ITPRID1: variants seen among roughly 807,000 people sequenced by gnomAD.
ITPRID1 encodes the protein protein ITPRID1.
A neutral mutation model predicts 95.4 loss-of-function variants in ITPRID1; 96 were observed. That is an observed-to-expected ratio of 1.01 (90% CI 0.85 to 1.19). ITPRID1 has a LOEUF of 1.19. ITPRID1 is among the 50% of genes most tolerant of loss of function. The pLI is 0.00. For missense variants in ITPRID1, 1,339 were observed against 1,252.9 expected, an observed-to-expected ratio of 1.07 and a Z score of -1.04; for synonymous variants, 510 against 453.6, an observed-to-expected ratio of 1.12 and a Z score of -1.58.
At chr7:31,523,065 G>T (rs1199394590) in intron 1 of ITPRID1, among the ~76,000 whole-genome samples, 1 of 152,208 alleles carries the variant, frequency 6.6e-6, no homozygotes, top group Non-Finnish European at 1.5e-5. Flanking sequence ...AGTTTTAAAT[G>T]AGATGATGTT....
intron 4 of ITPRID1, 53 bp downstream of exon 4, chr7:31,554,576 G>T: frequency 6.2e-7 from 1 of 1,604,678 alleles, no homozygotes; most frequent in South Asian, 1.1e-5. Context: ...AAAGATCCAT[G>T]AAAACAATGT....
intron 9 of ITPRID1, among the ~76,000 whole-genome samples, chr7:31,582,473 C>G (rs1020602700): frequency 6.6e-6 from 1 of 152,064 alleles, no homozygotes; most frequent in Non-Finnish European, 1.5e-5. Context: ...CTGATTTTAA[C>G]CACCTGGCTT....
In ITPRID1 at chr7:31,656,060, T is replaced by G. The variant is rs1451869107; in HGVS notation, c.*3231T>G. 1 of 962,484 alleles carries G rather than the reference T, an allele frequency of 1.0e-6. No individual in the cohort carries two copies. Among genetic ancestry groups the G allele is most frequent in the Non-Finnish European group, 1.2e-6 (1 of 809,210 alleles). The allele number at this position is 962,484 out of a possible 1,614,324, so 59.6% of individuals were successfully genotyped here. On this transcript the variant is annotated 3_prime_UTR_variant, in exon 15 of 15. Coordinates refer to ENST00000615280, the MANE Select transcript of ITPRID1 (RefSeq NM_001257967.3). ...AGTAAGTCCTAGGGCAGACCCCATC[T>G]CCTACACAGGCTTTCCTTGATGATC...
In ITPRID1 at chr7:31,551,786, T is replaced by C. The variant is rs1263354443; in HGVS notation, c.-23-1216T>C. On this transcript the variant is annotated intron_variant, in intron 2 of 14. Coordinates refer to ENST00000615280, the MANE Select transcript of ITPRID1 (RefSeq NM_001257967.3). ...GCAAACAGATTAGAAATGATTTACA[T>C]GTCATGTGATCAGTGATTATGCATT... The C allele has an allele frequency of 1.0e-5, 3 of 292,080 alleles. 1 individual carries two copies. Among genetic ancestry groups the C allele is most frequent in the Non-Finnish European group, 2.1e-5 (3 of 143,468 alleles). The allele number at this position is 292,080 out of a possible 1,614,324, so 18.1% of individuals were successfully genotyped here.
At chr7:31,642,638 T>C in intron 11 of ITPRID1, 44 bp from the exon 12 acceptor site, 10 of 1,560,406 alleles carry the variant, frequency 6.4e-6, no homozygotes, top group Non-Finnish European at 8.7e-6. Context: ...TATTGCCTCC[T>C]CCACTTCCTG....
chr7:31,631,297 CACAG>C (rs888894136), intron 10 of ITPRID1, among the ~76,000 whole-genome samples: 18 of 152,202 alleles, frequency 1.2e-4, no homozygotes, highest in African/African-American at 4.3e-4. Context: ...TGCGTGCACA[CACAG>C]ACACACAAAT....
chr7:31,578,578 A>G (rs1785283573), intron 9 of ITPRID1, 144 bp downstream of exon 9: 1 of 601,002 alleles, frequency 1.7e-6, no homozygotes, highest in Admixed American at 3.3e-5. Flanking sequence ...AGTGATTTAA[A>G]GTCATTCTAG....
intron 10 of ITPRID1, among the ~76,000 whole-genome samples, chr7:31,596,162 TAATAGAAAAGATA>T (rs986201944): frequency 1.3e-5 from 2 of 151,206 alleles, no homozygotes; most frequent in African/African-American, 4.8e-5. Context: ...TAAAGTAACA[TAATAGAAAAGATA>T]AATAAGCTAA....
intron 2 of ITPRID1, 38 bp downstream of exon 2, chr7:31,549,537 A>C (rs2128135515): frequency 7.0e-7 from 1 of 1,424,060 alleles, no homozygotes; most frequent in Non-Finnish European, 9.5e-7. Context: ...AAATTTTCCC[A>C]AAAACTCCAT....
At chr7:31,563,205 A>C (rs1381541711) in intron 5 of ITPRID1, among the ~76,000 whole-genome samples, 1 of 152,236 alleles carries the variant, frequency 6.6e-6, no homozygotes, top group Admixed American at 6.5e-5. Flanking sequence ...AGCAAGAAAA[A>C]TTAATTTGCT....
intron 2 of ITPRID1, among the ~76,000 whole-genome samples, chr7:31,550,571 A>G (rs187252180): frequency 5.9e-5 from 9 of 152,268 alleles, no homozygotes; most frequent in Admixed American, 4.6e-4. Flanking sequence ...AGTGAATGCC[A>G]AAGGAAGGCC....
intron 7 of ITPRID1, among the ~76,000 whole-genome samples, chr7:31,572,495 ATTT>A (rs924385571): frequency 1.3e-5 from 2 of 152,158 alleles, no homozygotes; most frequent in Non-Finnish European, 2.9e-5. Flanking sequence ...TATATGCCAT[ATTT>A]TTTAAGATTA....
intron 11 of ITPRID1, 48 bp from the exon 12 acceptor site, chr7:31,642,634 C>A: frequency 6.5e-7 from 1 of 1,539,060 alleles, no homozygotes. Flanking sequence ...AACCTATTGC[C>A]TCCTCCACTT....
chr7:31,610,536 T>C lies in ITPRID1; in HGVS notation c.1228+27345T>C, dbSNP rs558767654. Reference sequence around the variant, plus strand: ...GGTCTTCTAATTGTTTCATCCATTATTGAAAGTGGAGTTTTAAAGTATTCA... The same window carrying C: ...GGTCTTCTAATTGTTTCATCCATTACTGAAAGTGGAGTTTTAAAGTATTCA... On this transcript the variant is annotated intron_variant, in intron 10 of 14. Transcript: ENST00000615280. 1.0e-3 allele frequency among the ~76,000 whole-genome samples: 154 copies of C among 151,796 alleles called. 1 individual carries two copies. Among genetic ancestry groups the C allele is most frequent in the African/African-American group, 3.5e-3 (147 of 41,542 alleles).
intron 10 of ITPRID1, among the ~76,000 whole-genome samples, chr7:31,620,205 G>GTAACCTCTTCAGACTTAA (rs1787709554): frequency 6.6e-6 from 1 of 152,138 alleles, no homozygotes; most frequent in African/African-American, 2.4e-5. Context: ...AAAGACAGCA[G>GTAACCTCTTCAGACTTAA]TAACCTCTTC....
Position 31,572,146 on chromosome 7 carries a change from C to T in ITPRID1, c.353C>T (p.Thr118Ile), listed in dbSNP as rs575686754. Reference protein sequence around the residue: ...FSETPILSRGTSFNSCYSTAS... With the variant: ...FSETPILSRGISFNSCYSTAS... ...GAAACTCCCATCCTATCCAGAGGGA[C>T]CAGTTTCAACTCTTGCTATTCTACT... Residue 118 changes from threonine to isoleucine, a missense_variant, in exon 7 of 15, where the codon ACC (threonine) becomes ATC (isoleucine). Transcript: ENST00000615280. 1 of 1,611,838 alleles carries T rather than the reference C, an allele frequency of 6.2e-7. No homozygotes were observed. Among genetic ancestry groups the T allele is most frequent in the South Asian group, 1.1e-5 (1 of 90,810 alleles).
chr7:31,616,438 T>C (rs563450834), intron 10 of ITPRID1, among the ~76,000 whole-genome samples: 14 of 152,058 alleles, frequency 9.2e-5, no homozygotes, highest in African/African-American at 3.4e-4. Context: ...TTCCCAGAAA[T>C]GGACCTCAGG....
At chr7:31,544,498 T>C (rs1472851102) in intron 1 of ITPRID1, among the ~76,000 whole-genome samples, 1 of 152,120 alleles carries the variant, frequency 6.6e-6, no homozygotes, top group Non-Finnish European at 1.5e-5. Flanking sequence ...TGCCTATTCA[T>C]CCATTATCCC....
At chr7:31,595,834 C>T (rs1316698424) in intron 10 of ITPRID1, among the ~76,000 whole-genome samples, 1 of 151,258 alleles carries the variant, frequency 6.6e-6, no homozygotes, top group African/African-American at 2.4e-5. Context: ...AGGAAAAAAG[C>T]CACAAAGTTT....
Sources: allele counts gnomAD v4.1 joint callset (sites outside exome capture counted in the v4.1 genomes callset), GRCh38; gene constraint gnomAD v4.1.1; transcripts MANE v1.5; gene names NCBI Gene and HGNC (gene_info 2026-07-23, HGNC 2026-07-21).